LNPK: variants seen among roughly 807,000 people sequenced by gnomAD.
LNPK encodes the protein lunapark, ER junction formation factor.
Under a neutral mutation model 55.2 loss-of-function variants are expected in LNPK, and 29 were observed. The observed-to-expected ratio is 0.53, with a 90% CI of 0.39 to 0.72. LNPK has a LOEUF of 0.72. Ranked by LOEUF, LNPK falls within the 30% of genes least tolerant of loss-of-function variation. LNPK has a pLI of 0.00. For missense variants in LNPK, 467 were observed against 494.8 expected (o/e 0.94, Z 0.53); for synonymous variants, 162 against 168.2 (o/e 0.96, Z 0.29).
At position 175,987,204 on chromosome 2, in the gene LNPK, C is replaced by T. The variant is rs527965273; in HGVS notation, c.257+5027G>A. 1.4e-4 allele frequency among the ~76,000 whole-genome samples: 21 copies of T among 152,264 alleles called. No individual in the cohort carries two copies. The South Asian group carries it at 4.4e-3, about 32-fold the overall frequency. On this transcript the variant is annotated intron_variant, in intron 4 of 12. Coordinates refer to ENST00000272748, the MANE Select transcript of LNPK (RefSeq NM_030650.3). ...ACCCAAAGGATTGTAAATCATGCTG[C>T]TATAAAGACACAAGCACACGTATGT...
rs751450513 is a variant in LNPK, at chr2:175,964,358, AC to A, written c.493+13del. 1 of 1,609,036 alleles carries A rather than the reference AC, an allele frequency of 6.2e-7. No individual in the cohort carries two copies. The highest frequency in any genetic ancestry group is 8.5e-7 in the Non-Finnish European group (1 of 1,175,724). On this transcript the variant is annotated intron_variant, in intron 8 of 12. Coordinates refer to ENST00000272748, the MANE Select transcript of LNPK (RefSeq NM_030650.3). ...CTTTCCAACAGCAGCAGCAGTTTCT[AC>A]TAAGTTATTTACCTTGTCCAGGTCT...
At chr2:176,001,842 G>A (rs1404110927) in intron 1 of LNPK, among the ~76,000 whole-genome samples, 1 of 152,152 alleles carries the variant, frequency 6.6e-6, no homozygotes, top group Non-Finnish European at 1.5e-5. Context: ...TGGGGCTCAA[G>A]CCAGTCACCA....
chr2:175,974,740 G>T (rs1228449674), intron 5 of LNPK, among the ~76,000 whole-genome samples: 1 of 151,894 alleles, frequency 6.6e-6, no homozygotes, highest in African/African-American at 2.4e-5. Context: ...AAAAAACAAG[G>T]ACAGGACCAA....
intron 6 of LNPK, chr2:175,967,781 A>AT: frequency 1.0e-6 from 1 of 971,002 alleles, no homozygotes; most frequent in Middle Eastern, 5.3e-4. Context: ...TCTTCTTTGC[A>AT]TTTCTTCTGT....
At chr2:176,001,124 T>C (rs1199073596) in intron 1 of LNPK, among the ~76,000 whole-genome samples, 4 of 152,192 alleles carry the variant, frequency 2.6e-5, no homozygotes, top group African/African-American at 9.7e-5. Context: ...AAAATTCTAA[T>C]TTAAACGCAC....
intron 8 of LNPK, among the ~76,000 whole-genome samples, chr2:175,960,642 T>C (rs1461257694): frequency 6.6e-6 from 1 of 151,698 alleles, no homozygotes; most frequent in African/African-American, 2.4e-5. Flanking sequence ...ACAACACAAT[T>C]AAAAGAACTA....
chr2:175,981,102 C>A (rs1687154031), intron 4 of LNPK, among the ~76,000 whole-genome samples: 1 of 152,028 alleles, frequency 6.6e-6, no homozygotes, highest in Non-Finnish European at 1.5e-5. Flanking sequence ...ACCAGTGATC[C>A]CTGTCTCTTG....
At chr2:175,958,979 A>C (rs763103356) in intron 8 of LNPK, among the ~76,000 whole-genome samples, 1 of 152,246 alleles carries the variant, frequency 6.6e-6, no homozygotes, top group Non-Finnish European at 1.5e-5. Context: ...TCAGTGATTG[A>C]AGATCAAATG....
chr2:175,956,791 C>T (rs888363171), intron 8 of LNPK, among the ~76,000 whole-genome samples: 1 of 152,016 alleles, frequency 6.6e-6, no homozygotes, highest in Non-Finnish European at 1.5e-5. Flanking sequence ...GATAATGGCT[C>T]GCCTACAAAC....
chr2:175,985,624 C>T (rs1687370622), intron 4 of LNPK, among the ~76,000 whole-genome samples: 1 of 152,064 alleles, frequency 6.6e-6, no homozygotes, highest in Non-Finnish European at 1.5e-5. Context: ...ATATATGTTC[C>T]ATGACCCCCA....
At chr2:175,995,175 C>G (rs1687875997) in intron 2 of LNPK, among the ~76,000 whole-genome samples, 1 of 152,046 alleles carries the variant, frequency 6.6e-6, no homozygotes, top group Non-Finnish European at 1.5e-5. Flanking sequence ...CCGCCTCAGC[C>G]TCCCAAAGTG....
intron 6 of LNPK, among the ~76,000 whole-genome samples, chr2:175,966,986 T>C (rs1241932977): frequency 1.3e-5 from 2 of 152,164 alleles, no homozygotes; most frequent in Non-Finnish European, 2.9e-5. Context: ...AAACAAACTA[T>C]TTCCAAAAAC....
chr2:175,970,816 G>T lies in LNPK; in HGVS notation c.317-12C>A. 7.1e-7 allele frequency: 1 copy of T among 1,408,324 alleles called. No homozygotes were observed. Among genetic ancestry groups the T allele is most frequent in the Non-Finnish European group, 9.5e-7 (1 of 1,055,324 alleles). The allele number at this position is 1,408,324 out of a possible 1,614,324, so 87.2% of individuals were successfully genotyped here. A position where few individuals can be genotyped will look rare whatever the true frequency, so the allele number is the denominator to read the frequency against. On this transcript the variant is annotated splice_polypyrimidine_tract_variant and intron_variant, in intron 5 of 12. Transcript: ENST00000272748. ...ATCCAATGCTTCATCTAGAAAGCAA[G>T]ATTTAAATCAAAGATTAAGATATTT...
chr2:175,999,728 C>T (rs189698469), intron 1 of LNPK, among the ~76,000 whole-genome samples: 1 of 152,246 alleles, frequency 6.6e-6, no homozygotes. Flanking sequence ...CACAACAGGA[C>T]CTGTCATGAC....
chr2:175,990,052 A>G (rs1347204540), intron 4 of LNPK, among the ~76,000 whole-genome samples: 1 of 152,218 alleles, frequency 6.6e-6, no homozygotes, highest in Non-Finnish European at 1.5e-5. Context: ...TGAGCAAAAC[A>G]ACATACTTTA....
intron 5 of LNPK, among the ~76,000 whole-genome samples, chr2:175,977,616 A>G (rs1686969427): frequency 1.3e-5 from 2 of 152,194 alleles, no homozygotes; most frequent in South Asian, 2.1e-4. Context: ...TGTATGAGAA[A>G]AGAGAGCTGA....
Position 175,995,643 on chromosome 2 carries a change from A to C in LNPK, c.-59T>G, listed in dbSNP as rs1369364111. The C allele has an allele frequency of 7.1e-7, 1 of 1,401,504 alleles. No individual in the cohort carries two copies. The highest frequency in any genetic ancestry group is 1.0e-6 in the Non-Finnish European group (1 of 987,628). The allele number at this position is 1,401,504 out of a possible 1,614,324, so 86.8% of individuals were successfully genotyped here. On this transcript the variant is annotated 5_prime_UTR_variant, in exon 2 of 13. Coordinates refer to ENST00000272748, the MANE Select transcript of LNPK (RefSeq NM_030650.3). ...TATCATCAATTGTCCAAAGGAATTC[A>C]CAGCTAGAAATAAAGCAAGTATTTA...
chr2:175,959,002 C>A (rs1449960337), intron 8 of LNPK, among the ~76,000 whole-genome samples: 1 of 150,936 alleles, frequency 6.6e-6, no homozygotes, highest in Non-Finnish European at 1.5e-5. Context: ...TGAAATGAAG[C>A]AAGAAGTTTA....
At chr2:175,937,223 T>C (rs1684591232) in intron 12 of LNPK, 121 bp downstream of exon 12, 3 of 904,998 alleles carry the variant, frequency 3.3e-6, no homozygotes, top group Non-Finnish European at 5.0e-6. Flanking sequence ...AGAGCCGTAG[T>C]TGACATATGC....
Sources: allele counts gnomAD v4.1 joint callset (sites outside exome capture counted in the v4.1 genomes callset), GRCh38; gene constraint gnomAD v4.1.1; transcripts MANE v1.5; gene names NCBI Gene and HGNC (gene_info 2026-07-23, HGNC 2026-07-21).